Variants in PAAF1 observed in about 807,000 individuals in gnomAD.
PAAF1 encodes proteasomal ATPase associated factor 1, also known as proteasomal ATPase-associated factor 1.
In PAAF1, 46 loss-of-function variants were observed where a neutral mutation model predicts 52.8. The ratio of observed to expected loss-of-function variants is 0.87; its 90% CI spans 0.69 to 1.11. The LOEUF (loss-of-function observed/expected upper bound fraction) is 1.11, where lower values mean the gene tolerates loss of function less well. Ranked by LOEUF, PAAF1 falls within the 50% of genes most tolerant of loss-of-function variation. PAAF1 has a pLI of 0.00. For missense variants in PAAF1, 424 were observed against 477.4 expected (o/e 0.89, Z 1.04); for synonymous variants, 178 against 172.8 (o/e 1.03, Z -0.24).
intron 2 of PAAF1, among the ~76,000 whole-genome samples, chr11:73,883,997 G>T (rs1948989440): frequency 6.6e-6 from 1 of 152,198 alleles, no homozygotes; most frequent in South Asian, 2.1e-4. Flanking sequence ...ACCAGCTGCT[G>T]TGGGGAATGG....
intron 10 of PAAF1, chr11:73,921,685 A>G: frequency 1.2e-6 from 1 of 825,386 alleles, no homozygotes; most frequent in Non-Finnish European, 2.1e-6. Flanking sequence ...AGACTCTAGC[A>G]TGAACTGTCT....
intron 2 of PAAF1, chr11:73,879,579 G>A (rs994328171): frequency 3.3e-5 from 5 of 152,078 alleles, no homozygotes; most frequent in African/African-American, 1.2e-4. Context: ...GAGAAATAAA[G>A]TTTTGGCCAG....
rs1948815102 is a variant in PAAF1 at position 73,878,772 on chromosome 11, T to C, written c.48-7T>C. On this transcript the variant is annotated splice_polypyrimidine_tract_variant and splice_region_variant and intron_variant, in intron 1 of 11. Transcript: ENST00000310571. Reference sequence around the variant, plus strand: ...AAGCCTAATTAGGCTTTTGTCTTTCTTCGTAGGAAGGATGAAGGGGAGGCC... The same window carrying C: ...AAGCCTAATTAGGCTTTTGTCTTTCCTCGTAGGAAGGATGAAGGGGAGGCC... 1.9e-6 allele frequency: 3 copies of C among 1,613,380 alleles called. No individual in the cohort carries two copies. Among genetic ancestry groups the C allele is most frequent in the Admixed American group, 1.7e-5 (1 of 59,940 alleles).
At chr11:73,885,861 A>AAT (rs1359370001) in intron 2 of PAAF1, among the ~76,000 whole-genome samples, 13 of 150,966 alleles carry the variant, frequency 8.6e-5, no homozygotes, top group African/African-American at 3.2e-4. Context: ...AAAAAAAAAA[A>AAT]TCCCTCCCAC....
Position 73,887,370 on chromosome 11 carries a change from T to C in PAAF1, c.105T>C (p.Tyr35=). 6.2e-7 allele frequency: 1 copy of C among 1,612,046 alleles called. No homozygotes were observed. Among genetic ancestry groups the C allele is most frequent in the Non-Finnish European group, 8.5e-7 (1 of 1,179,242 alleles). The change falls in exon 3 of 12, where the codon TAT becomes TAC. Residue 35 remains tyrosine, a synonymous_variant. Transcript: ENST00000310571. ...ACCATATAGGGAAACCATCTTTGTA[T>C]GGCAGCCTGACTTGTCAAGGAATTG... The part of the protein sequence containing the change: ...SCHPPGKPSL[Y]GSLTCQGIGL...
At chr11:73,910,111 T>C (rs2036143520) in intron 7 of PAAF1, among the ~76,000 whole-genome samples, 3 of 152,186 alleles carry the variant, frequency 2.0e-5, no homozygotes, top group Admixed American at 2.0e-4. Context: ...CTTTTAGCGA[T>C]AGAGTCCTGC....
At chr11:73,924,553 G>T in intron 10 of PAAF1, 62 bp from the exon 11 acceptor site, 1 of 1,362,010 alleles carries the variant, frequency 7.3e-7, no homozygotes, top group South Asian at 1.2e-5. Flanking sequence ...TAAAAATACT[G>T]AGTTTTTAAA....
intron 10 of PAAF1, among the ~76,000 whole-genome samples, 195 bp downstream of exon 10, chr11:73,919,227 G>C (rs1950148071): frequency 6.6e-6 from 1 of 152,210 alleles, no homozygotes; most frequent in African/African-American, 2.4e-5. Context: ...CCTTGAGGGT[G>C]GTGACTGTGC....
intron 1 of PAAF1, among the ~76,000 whole-genome samples, chr11:73,878,029 C>T (rs954044811): frequency 6.6e-6 from 1 of 152,136 alleles, no homozygotes; most frequent in Non-Finnish European, 1.5e-5. Flanking sequence ...ACTGCTACTA[C>T]TAATAAGGGT....
intron 6 of PAAF1, among the ~76,000 whole-genome samples, chr11:73,902,904 T>C (rs1237090937): frequency 6.6e-6 from 1 of 152,200 alleles, no homozygotes; most frequent in Non-Finnish European, 1.5e-5. Flanking sequence ...TTTCACCATA[T>C]TGGCCAGGCT....
intron 7 of PAAF1, among the ~76,000 whole-genome samples, chr11:73,909,875 G>A (rs1949881166): frequency 6.6e-6 from 1 of 152,104 alleles, no homozygotes; most frequent in Non-Finnish European, 1.5e-5. Context: ...GCTTCCCTGG[G>A]CCACATTGGA....
intron 2 of PAAF1, chr11:73,880,700 A>AG (rs2135122011): frequency 7.5e-6 from 1 of 132,700 alleles, no homozygotes; most frequent in African/African-American, 2.8e-5. Flanking sequence ...AAAAAAAAAA[A>AG]AAAAAAAAAA....
intron 7 of PAAF1, among the ~76,000 whole-genome samples, chr11:73,910,272 G>T (rs1949891777): frequency 6.6e-6 from 1 of 152,136 alleles, no homozygotes. Flanking sequence ...GGGACGGAGT[G>T]TTCCCGGTTA....
chr11:73,898,063 ATTG>A (rs1949470284), intron 4 of PAAF1, among the ~76,000 whole-genome samples: 2 of 152,222 alleles, frequency 1.3e-5, no homozygotes, highest in South Asian at 4.1e-4. Flanking sequence ...CGCGCCTGCA[ATTG>A]CAGGCACTCG....
intron 9 of PAAF1, among the ~76,000 whole-genome samples, chr11:73,916,889 A>G (rs1019342511): frequency 2.6e-5 from 4 of 152,206 alleles, no homozygotes; most frequent in Non-Finnish European, 4.4e-5. Flanking sequence ...ATTGCTTTGA[A>G]AATTAAGCTT....
chr11:73,876,802 G>A (rs1252229922), upstream of PAAF1: 3 of 417,278 alleles, frequency 7.2e-6, no homozygotes, highest in Middle Eastern at 6.3e-4. Flanking sequence ...CCTACGCGGC[G>A]GCTTGGGTTT....
rs1406188110 is a variant in PAAF1, at chr11:73,909,493, C to T, written c.627C>T (p.Ala209=). 2 of 1,614,184 alleles carry T rather than the reference C, an allele frequency of 1.2e-6. No individual in the cohort carries two copies. The highest frequency in any genetic ancestry group is 1.7e-5 in the Admixed American group (1 of 60,020). Residue 209 remains alanine (A), a synonymous_variant, in exon 7 of 12, where the codon GCC becomes GCT. Transcript: ENST00000310571. ...TARLWDCGRS[A]CLGVLADCGS... ...GACTTTGGGATTGTGGGCGCTCAGC[C>T]TGCTTGGGAGTCCTTGCAGATTGTG... is the stretch of plus-strand genomic sequence containing the variant.
At chr11:73,894,644 TCTA>T (rs998133798) in intron 4 of PAAF1, among the ~76,000 whole-genome samples, 27 of 146,128 alleles carry the variant, frequency 1.8e-4, no homozygotes, top group Admixed American at 1.2e-3. Flanking sequence ...TAAAAAAAAA[TCTA>T]CTAAAAAAAA....
Position 73,914,467 on chromosome 11 carries a change from A to G in PAAF1, c.782A>G (p.Lys261Arg), listed in dbSNP as rs753100261. ...ATGCTGCTCTTGGCCCGGGAAGATA[A>G]GAAACTTCAGTGCTTGGGACTACAG... Reference protein sequence around the residue: ...AKMLLLAREDKKLQCLGLQSR... With the variant: ...AKMLLLAREDRKLQCLGLQSR... Residue 261 changes from lysine to arginine, a missense_variant, in exon 8 of 12, where the codon AAG becomes AGG. Transcript: ENST00000310571. 5.0e-6 allele frequency: 8 copies of G among 1,614,000 alleles called. No individual in the cohort carries two copies. Among genetic ancestry groups the G allele is most frequent in the South Asian group, 3.3e-5 (3 of 91,084 alleles).
Sources: gnomAD v4.1 joint callset for allele counts (sites outside exome capture counted in the v4.1 genomes callset) on GRCh38, gnomAD v4.1.1 for gene constraint, MANE v1.5 for transcripts, NCBI Gene and HGNC (gene_info 2026-07-23, HGNC 2026-07-21) for gene names.